NEGR1: variants seen among roughly 807,000 people sequenced by gnomAD.
NEGR1 encodes IgLON family member 4.
Under a neutral mutation model 40.9 loss-of-function variants are expected in NEGR1, and 10 were observed. The observed-to-expected ratio is 0.24, with a 90% CI of 0.15 to 0.42. The LOEUF is 0.42. Among genes scored for constraint, NEGR1 ranks in the 10% least tolerant of loss-of-function variants. The probability of loss-of-function intolerance (pLI) is 1.00; values close to 1 mark genes in which losing one functional copy is unlikely to be tolerated. For missense variants in NEGR1, 352 were observed against 438.9 expected (o/e 0.80, Z 1.77); for synonymous variants, 185 against 166.8 (o/e 1.11, Z -0.84).
At chr1:71,616,076 A>C (rs1048494719) in intron 4 of NEGR1, among the ~76,000 whole-genome samples, 1 of 152,200 alleles carries the variant, frequency 6.6e-6, no homozygotes, top group Non-Finnish European at 1.5e-5. Context: ...GTGGGTACAG[A>C]CATGTCTGAT....
At chr1:71,750,035 G>A (rs112939865) in intron 3 of NEGR1, among the ~76,000 whole-genome samples, 3 of 145,060 alleles carry the variant, frequency 2.1e-5, no homozygotes, top group South Asian at 4.4e-4. Flanking sequence ...CGCCCAGGCC[G>A]GACTGCGGAC....
chr1:71,862,576 T>C (rs989939746), intron 2 of NEGR1, among the ~76,000 whole-genome samples: 1 of 152,108 alleles, frequency 6.6e-6, no homozygotes, highest in African/African-American at 2.4e-5. Context: ...CTCCATTCTG[T>C]GTATTGTCTC....
intron 1 of NEGR1, among the ~76,000 whole-genome samples, chr1:72,249,578 T>C (rs1287433001): frequency 6.6e-6 from 1 of 152,048 alleles, no homozygotes; most frequent in African/African-American, 2.4e-5. Flanking sequence ...AAAGGCAAGA[T>C]AAGAAACAAA....
intron 1 of NEGR1, among the ~76,000 whole-genome samples, chr1:72,134,469 G>A (rs932888233): frequency 3.3e-5 from 5 of 151,976 alleles, no homozygotes; most frequent in African/African-American, 1.2e-4. Flanking sequence ...CTCCCAAAGT[G>A]CTGGGATTAC....
rs1486642407 is a variant in NEGR1 at position 71,952,929 on chromosome 1, T to C, written c.177-17618A>G. Among the ~76,000 whole-genome samples, 13 of 148,590 alleles carry C rather than the reference T, an allele frequency of 8.7e-5. No individual in the cohort carries two copies. In the Admixed American group the frequency reaches 8.8e-4, roughly 10 times the overall value. ...TTACAGCTTGATGCACAGAATATTT[T>C]AAGTCATAGTTAAGACCTACTGCTC... On this transcript the variant is annotated intron_variant, in intron 1 of 6. Coordinates refer to ENST00000357731, the MANE Select transcript of NEGR1 (RefSeq NM_173808.3).
chr1:71,611,225 T>C (rs889901914), intron 4 of NEGR1, 79 bp from the exon 5 acceptor site: 1 of 1,324,036 alleles, frequency 7.6e-7, no homozygotes, highest in Non-Finnish European at 1.1e-6. Context: ...ACATATATTT[T>C]TATTCCTTCT....
intron 4 of NEGR1, among the ~76,000 whole-genome samples, chr1:71,663,428 AT>A (rs1255803417): frequency 6.6e-6 from 1 of 152,136 alleles, no homozygotes; most frequent in Non-Finnish European, 1.5e-5. Context: ...TAGTAATTTA[AT>A]TCAACAAACT....
chr1:71,547,690 G>A (rs1647945612), intron 6 of NEGR1, among the ~76,000 whole-genome samples: 1 of 151,718 alleles, frequency 6.6e-6, no homozygotes, highest in Admixed American at 6.6e-5. Context: ...ACCTAGCAGA[G>A]AAAAATAAGA....
intron 4 of NEGR1, among the ~76,000 whole-genome samples, chr1:71,683,311 G>A (rs1042652630): frequency 1.3e-5 from 2 of 151,728 alleles, no homozygotes; most frequent in African/African-American, 4.8e-5. Flanking sequence ...TCTTCTCTTT[G>A]CATCTTTCAT....
At chr1:71,754,142 G>A (rs942679036) in intron 3 of NEGR1, among the ~76,000 whole-genome samples, 9 of 152,078 alleles carry the variant, frequency 5.9e-5, no homozygotes, top group African/African-American at 2.2e-4. Context: ...GAAGTGACAG[G>A]AAAGGCTCCA....
intron 6 of NEGR1, among the ~76,000 whole-genome samples, chr1:71,427,107 A>T (rs1258249947): frequency 1.3e-5 from 2 of 152,224 alleles, no homozygotes; most frequent in South Asian, 4.1e-4. Flanking sequence ...CTGTACCTGT[A>T]TGCATGCTCA....
chr1:72,052,232 C>T (rs1326383280), intron 1 of NEGR1, among the ~76,000 whole-genome samples: 1 of 151,392 alleles, frequency 6.6e-6, no homozygotes, highest in Admixed American at 6.6e-5. Context: ...AAAGCCTTGT[C>T]AAATTATTCC....
chr1:71,556,630 TACAC>T (rs71965942), intron 6 of NEGR1, among the ~76,000 whole-genome samples: 6,834 of 147,712 alleles, frequency 0.046, 519 homozygotes, highest in African/African-American at 0.16. Context: ...ATTTTGTAAT[TACAC>T]ACACACACAC....
chr1:71,690,411 A>G (rs116523019), intron 4 of NEGR1, among the ~76,000 whole-genome samples: 75 of 151,950 alleles, frequency 4.9e-4, no homozygotes, highest in African/African-American at 1.8e-3. Flanking sequence ...GTTTGTACTG[A>G]CTAAAGTAAT....
At chr1:71,904,832 G>T (rs1436234293) in intron 2 of NEGR1, among the ~76,000 whole-genome samples, 2 of 152,090 alleles carry the variant, frequency 1.3e-5, no homozygotes, top group African/African-American at 4.8e-5. Flanking sequence ...TTTCACAGAA[G>T]ATCAAAGTTG....
At chr1:71,962,702 T>C (rs1383362524) in intron 1 of NEGR1, among the ~76,000 whole-genome samples, 2 of 152,008 alleles carry the variant, frequency 1.3e-5, no homozygotes, top group African/African-American at 4.8e-5. Context: ...TGTCTCACGT[T>C]AACTTCTCTC....
At chr1:72,015,882 T>G (rs888670464) in intron 1 of NEGR1, among the ~76,000 whole-genome samples, 1 of 151,986 alleles carries the variant, frequency 6.6e-6, no homozygotes, top group Non-Finnish European at 1.5e-5. Context: ...AATCTCAAAG[T>G]ATATCAGAAT....
intron 1 of NEGR1, among the ~76,000 whole-genome samples, chr1:72,140,823 A>G (rs1650648119): frequency 6.6e-6 from 1 of 152,004 alleles, no homozygotes; most frequent in South Asian, 2.1e-4. Flanking sequence ...ATATTTAATT[A>G]AGGAAGAACT....
chr1:71,729,850 T>G (rs1212345357), intron 3 of NEGR1, among the ~76,000 whole-genome samples: 1 of 147,732 alleles, frequency 6.8e-6, no homozygotes, highest in Non-Finnish European at 1.5e-5. Flanking sequence ...GGTTTTTGGT[T>G]TTTTTTTTTT....
Sources: allele counts gnomAD v4.1 joint callset (sites outside exome capture counted in the v4.1 genomes callset), GRCh38; gene constraint gnomAD v4.1.1; transcripts MANE v1.5; gene names NCBI Gene and HGNC (gene_info 2026-07-23, HGNC 2026-07-21).